The following COL6A3 variants were observed in gnomAD, a reference collection of about 807,000 sequenced individuals.
COL6A3 encodes collagen type VI alpha 3 chain.
A neutral mutation model predicts 274.1 loss-of-function variants in COL6A3; 137 were observed. That is an observed-to-expected ratio of 0.50 (90% CI 0.44 to 0.58). The LOEUF (loss-of-function observed/expected upper bound fraction) is 0.58. COL6A3 is among the 20% of genes least tolerant of loss of function. COL6A3 has a pLI of 0.00. For missense variants in COL6A3, 3,950 were observed against 4,124.9 expected (o/e 0.96, Z 1.16); for synonymous variants, 1,650 against 1,650.6 (o/e 1.00, Z 0.01).
chr2:237,395,227 A>G (rs1365375564), intron 2 of COL6A3, 23 bp from the exon 3 acceptor site: 1 of 1,611,856 alleles, frequency 6.2e-7, no homozygotes. Context: ...ACATTGGTTT[A>G]GATTTTTCTA....
intron 24 of COL6A3, 33 bp from the exon 25 acceptor site, chr2:237,353,436 AG>A: frequency 6.3e-7 from 1 of 1,595,196 alleles, no homozygotes; most frequent in Non-Finnish European, 8.6e-7. Context: ...GGGAGGAGTC[AG>A]GATGGTTCCT....
intron 24 of COL6A3, among the ~76,000 whole-genome samples, chr2:237,354,565 T>C (rs1300428839): frequency 1.3e-5 from 2 of 152,202 alleles, no homozygotes; most frequent in Non-Finnish European, 2.9e-5. Context: ...GTCTCTTATC[T>C]ACCTATGACC....
intron 3 of COL6A3, among the ~76,000 whole-genome samples, chr2:237,393,082 G>C (rs956241911): frequency 6.6e-6 from 1 of 152,104 alleles, no homozygotes; most frequent in African/African-American, 2.4e-5. Context: ...GGACACCATG[G>C]CAGGCTGTTT....
chr2:237,348,263 G>GA lies in COL6A3; in HGVS notation c.6966+85_6966+86insT, dbSNP rs150614375. 0.027 allele frequency: 31,979 copies of GA among 1,180,298 alleles called. 1,075 individuals carry two copies. The highest frequency in any genetic ancestry group is 0.15 in the African/African-American group (9,924 of 66,668). The allele number at this position is 1,180,298 out of a possible 1,614,324, so 73.1% of individuals were successfully genotyped here. ...ACTGAGTGGCTGACCCAAGACTAAT[G>GA]CCAAGATATTCTGATTCTCAGTCCA... is the stretch of plus-strand genomic sequence containing the variant. On this transcript the variant is annotated intron_variant, in intron 30 of 43. Transcript: ENST00000295550.
chr2:237,388,163 A>T lies in COL6A3; in HGVS notation c.731T>A (p.Ile244Asn). The T allele has an allele frequency of 6.2e-7, 1 of 1,614,148 alleles. No homozygotes were observed. Among genetic ancestry groups the T allele is most frequent in the Non-Finnish European group, 8.5e-7 (1 of 1,180,042 alleles). The change falls in exon 4 of 44, where the codon ATT (isoleucine) becomes AAT (asparagine). Residue 244 changes from isoleucine (I) to asparagine (N), a missense_variant. Around this residue, in one of 5 missense-constraint regions of COL6A3, gnomAD observed 1,934 missense variants for 1,984.3 expected, o/e 0.97. Transcript: ENST00000295550. The stretch of plus-strand genomic sequence containing the variant: ...GTTGTTTGATCCATCAATAAGGAAA[A>T]TAATGTCAGCAGAGTCTTGTGCTTT... ...DITAQDSADI[I>N]FLIDGSNNTG...
Position 237,367,029 on chromosome 2 carries a change from T to G in COL6A3, c.5158A>C (p.Lys1720Gln), listed in dbSNP as rs758181050. 1 of 1,614,238 alleles carries G rather than the reference T, an allele frequency of 6.2e-7. No individual in the cohort carries two copies. The highest frequency in any genetic ancestry group is 2.2e-5 in the East Asian group (1 of 44,880). Residue 1720 changes from lysine (K) to glutamine (Q), a missense_variant, in exon 11 of 44, where the codon AAG becomes CAG. This residue lies in a region of COL6A3 where 632 missense variants were observed against 623.4 expected (regional missense o/e 1.01). Transcript: ENST00000295550. ...ACCCGCAGGTGCTCAAGGCCCACCT[T>G]AGTGTTGGCGTGTCTTCCCCCTTTG... The part of the protein sequence containing the change: ...VYKGGRHANT[K>Q]VGLEHLRVNH...
chr2:237,379,276 C>G (rs375221759), intron 5 of COL6A3, 41 bp from the exon 6 acceptor site: 81 of 1,613,494 alleles, frequency 5.0e-5, no homozygotes, highest in African/African-American at 5.3e-5. Flanking sequence ...CATACACAAC[C>G]ACGGAGAGTT....
rs748313591 is a variant in COL6A3, at chr2:237,374,964, C to T, written c.3127G>A (p.Gly1043Ser). The T allele has an allele frequency of 7.4e-6, 12 of 1,613,784 alleles. No individual in the cohort carries two copies. Among genetic ancestry groups the T allele is most frequent in the Admixed American group, 5.0e-5 (3 of 59,986 alleles). ...LLDGSEGVRS[G>S]FPLLKEFVQR... ...ACAAACTCTTTCAACAGAGGGAAGC[C>T]GCTCCTGACGCCCTCAGAGCCATCA... Residue 1043 changes from glycine to serine, a missense_variant, in exon 8 of 44, where the codon GGC becomes AGC. This residue lies in a region of COL6A3 where 1,934 missense variants were observed against 1,984.3 expected (regional missense o/e 0.97). Coordinates refer to ENST00000295550, the MANE Select transcript of COL6A3 (RefSeq NM_004369.4). This position sits in a 1 kb window ranked among gnomAD's most constrained non-coding sequence, Gnocchi z 4.8.
Position 237,365,686 on chromosome 2 carries a change from G to T in COL6A3, c.5838+12C>A, listed in dbSNP as rs117734465. ...TTCCCAGGGAGCACCTGAACCAACT[G>T]GCCCCACAGACCTTCACGCTGTCCG... On this transcript the variant is annotated intron_variant, in intron 12 of 43. Transcript: ENST00000295550. The T allele has an allele frequency of 4.4e-4, 715 of 1,613,474 alleles. 6 individuals carry two copies. In the East Asian group the frequency reaches 0.016, roughly 36 times the overall value.
chr2:237,369,177 G>A lies in COL6A3; in HGVS notation c.4286C>T (p.Ala1429Val), dbSNP rs2077626855. Residue 1429 changes from alanine (A) to valine (V), a missense_variant and splice_region_variant, in exon 10 of 44, where the codon GCA becomes GTA. By Grantham distance (64) the Ala-to-Val change is moderately conservative. Coordinates refer to ENST00000295550, the MANE Select transcript of COL6A3 (RefSeq NM_004369.4). ...LLASTRYPPP[A>V]VESDAADIVF... ...AATGTCTGCAGCATCACTCTCAACT[G>A]CTGCAGATCAAAGAAGAAAAAGGGA... is the stretch of plus-strand genomic sequence containing the variant. 4 of 1,609,672 alleles carry A rather than the reference G, an allele frequency of 2.5e-6. No homozygotes were observed. The highest frequency in any genetic ancestry group is 3.4e-6 in the Non-Finnish European group (4 of 1,179,996).
At position 237,379,195 on chromosome 2, in the gene COL6A3, T is replaced by C. The variant is rs746610928; in HGVS notation, c.1938A>G (p.Gly646=). 9 of 1,614,036 alleles carry C rather than the reference T, an allele frequency of 5.6e-6. No individual in the cohort carries two copies. The African/African-American group carries it at 1.2e-4, about 22-fold the overall frequency. Residue 646 remains glycine, a synonymous_variant, in exon 6 of 44, where the codon GGA becomes GGG. Transcript: ENST00000295550. The stretch of plus-strand genomic sequence containing the variant: ...AATTGGTTTTTCCAACGTTGGCTGA[T>C]CCATCCAAAAGAAAGATGATATCCC... ...NKRDIIFLLD[G]SANVGKTNFP...
At chr2:237,349,873 T>C (rs2077169626) in intron 28 of COL6A3, among the ~76,000 whole-genome samples, 1 of 152,216 alleles carries the variant, frequency 6.6e-6, no homozygotes, top group Admixed American at 6.5e-5. Flanking sequence ...TGAAGGTAGT[T>C]TAAGCTTCAT....
chr2:237,411,043 G>A (rs972462051), intron 1 of COL6A3, among the ~76,000 whole-genome samples: 3 of 152,088 alleles, frequency 2.0e-5, no homozygotes, highest in African/African-American at 7.2e-5. Flanking sequence ...TCCTCAAATC[G>A]TCAGCTATTT....
rs1202571202 is a variant in COL6A3 at position 237,368,190 on chromosome 2, G to A, written c.4900+373C>T. On this transcript the variant is annotated intron_variant, in intron 10 of 43. Transcript: ENST00000295550. The surrounding 1 kb of genome is among the most constrained non-coding windows in gnomAD (Gnocchi z 4.4). ...TGGTCCCACCAGGCCAAGGAATGAG[G>A]GGACCTGGACTATATTGGGCATCTG... Among the ~76,000 whole-genome samples the A allele has an allele frequency of 6.6e-6, 1 of 152,220 alleles. No individual in the cohort carries two copies. The highest frequency in any genetic ancestry group is 2.4e-5 in the African/African-American group (1 of 41,452).
chr2:237,374,308 A>G lies in COL6A3; in HGVS notation c.3679+104T>C. On this transcript the variant is annotated intron_variant, in intron 8 of 43. Transcript: ENST00000295550. The surrounding 1 kb of genome is among the most constrained non-coding windows in gnomAD (Gnocchi z 4.8). ...TTCCTGTAATTTTAGTTTTCACTTCACATGGCAGGAAAAGCAAAATTGAGA... is the reference window on the plus strand; with the variant it reads ...TTCCTGTAATTTTAGTTTTCACTTCGCATGGCAGGAAAAGCAAAATTGAGA... The G allele has an allele frequency of 6.5e-7, 1 of 1,537,482 alleles. No homozygotes were observed. Among genetic ancestry groups the G allele is most frequent in the Non-Finnish European group, 8.9e-7 (1 of 1,125,988 alleles).
In COL6A3 at chr2:237,364,149, AAGT is replaced by A. The variant is rs2077496974; in HGVS notation, c.5917+198_5917+200del. 6.6e-6 allele frequency among the ~76,000 whole-genome samples: 1 copy of A among 152,186 alleles called. No individual in the cohort carries two copies. Among genetic ancestry groups the A allele is most frequent in the African/African-American group, 2.4e-5 (1 of 41,452 alleles). On this transcript the variant is annotated intron_variant, in intron 13 of 43. Coordinates refer to ENST00000295550, the MANE Select transcript of COL6A3 (RefSeq NM_004369.4). The surrounding 1 kb of genome is among the most constrained non-coding windows in gnomAD (Gnocchi z 4.6). ...CCACAACACAACAGTAAAGCTGTCT[AAGT>A]ACAGAAGGAATTTTTGTTAGCTCCA... is the stretch of plus-strand genomic sequence containing the variant.
intron 23 of COL6A3, 148 bp downstream of exon 23, chr2:237,357,188 GAA>G: frequency 1.3e-6 from 1 of 791,876 alleles, no homozygotes; most frequent in Middle Eastern, 2.3e-4. Context: ...TTATAAGAAT[GAA>G]AATAGATTGG....
chr2:237,362,701 C>T (rs1430430029), intron 14 of COL6A3, among the ~76,000 whole-genome samples: 2 of 152,180 alleles, frequency 1.3e-5, no homozygotes, highest in African/African-American at 2.4e-5. Context: ...CCACATCTTC[C>T]AAAAGCTCCA....
At chr2:237,359,129 T>C in intron 19 of COL6A3, 41 bp from the exon 20 acceptor site, 2 of 1,613,846 alleles carry the variant, frequency 1.2e-6, no homozygotes, top group Non-Finnish European at 1.7e-6. Flanking sequence ...TGCTGCAATT[T>C]CTATCACAGA....
Sources: allele counts gnomAD v4.1 joint callset (sites outside exome capture counted in the v4.1 genomes callset), GRCh38; gene constraint gnomAD v4.1.1; regional missense constraint gnomAD v4.1.1; non-coding constraint Gnocchi (gnomAD v3.1); transcripts MANE v1.5; gene names NCBI Gene and HGNC (gene_info 2026-07-23, HGNC 2026-07-21).